Variants in CDH26 observed in about 807,000 individuals in gnomAD.
CDH26 encodes cadherin-like protein 26.
In CDH26, 83 loss-of-function variants were observed where a neutral mutation model predicts 90.3. The observed-to-expected ratio is 0.92, with a 90% CI of 0.77 to 1.10. The LOEUF is 1.10. Ranked by LOEUF, CDH26 falls within the 50% of genes least tolerant of loss-of-function variation. The probability of loss-of-function intolerance (pLI) is 0.00; values close to 1 mark genes in which losing one functional copy is unlikely to be tolerated. For missense variants in CDH26, 1,013 were observed against 1,037.6 expected, an observed-to-expected ratio of 0.98 and a Z score of 0.33; for synonymous variants, 397 against 396.3, an observed-to-expected ratio of 1.00 and a Z score of -0.02.
chr20:59,964,450 A>C (rs2061119771), intron 1 of CDH26, among the ~76,000 whole-genome samples: 1 of 140,058 alleles, frequency 7.1e-6, no homozygotes, highest in Non-Finnish European at 1.6e-5. Flanking sequence ...CCCCGACCCC[A>C]GGCCCACACC....
At chr20:60,008,908 G>C (rs1414938651) in intron 17 of CDH26, among the ~76,000 whole-genome samples, 1 of 152,248 alleles carries the variant, frequency 6.6e-6, no homozygotes, top group African/African-American at 2.4e-5. Context: ...AGGCAAGCCA[G>C]GCTCCTGCAG....
At chr20:59,970,962 G>C (rs914204782) in intron 3 of CDH26, among the ~76,000 whole-genome samples, 1 of 152,122 alleles carries the variant, frequency 6.6e-6, no homozygotes, top group Non-Finnish European at 1.5e-5. Flanking sequence ...CGGGGCTTGA[G>C]TTACTCAGAA....
chr20:59,966,253 A>T (rs948849636), intron 1 of CDH26, among the ~76,000 whole-genome samples: 42 of 150,388 alleles, frequency 2.8e-4, no homozygotes, highest in African/African-American at 1.0e-3. Context: ...AAAAAAAAAA[A>T]AAAAGTGGCC....
intron 7 of CDH26, among the ~76,000 whole-genome samples, chr20:59,986,728 G>A (rs1389705141): frequency 1.3e-5 from 2 of 151,742 alleles, no homozygotes; most frequent in Admixed American, 1.3e-4. Flanking sequence ...AATGGAATGT[G>A]GCACATAGAA....
chr20:59,994,152 T>C (rs2061561584), intron 10 of CDH26, 98 bp from the exon 11 acceptor site: 1 of 1,477,084 alleles, frequency 6.8e-7, no homozygotes, highest in Non-Finnish European at 9.2e-7. Flanking sequence ...GTTCCAGTAT[T>C]TCAGGAATAT....
At chr20:59,998,525 C>T (rs1193789176) in intron 13 of CDH26, among the ~76,000 whole-genome samples, 1 of 152,122 alleles carries the variant, frequency 6.6e-6, no homozygotes, top group Non-Finnish European at 1.5e-5. Context: ...ACCAGCTATG[C>T]CAGTGGGACA....
At chr20:59,959,983 T>A (rs1418807791) in intron 1 of CDH26, among the ~76,000 whole-genome samples, 1 of 152,194 alleles carries the variant, frequency 6.6e-6, no homozygotes, top group Non-Finnish European at 1.5e-5. Flanking sequence ...AATCATTTCT[T>A]CCTTTGAATA....
At position 59,989,130 on chromosome 20, in the gene CDH26, C is replaced by G; in HGVS notation, c.1250C>G (p.Thr417Ser). ...EGARPGTLLG[T>S]FNAMDPDSQI... ...GCCAGGCCTGGGACCCTGTTGGGAACTTTTAATGCCATGGATCCAGACAGC... is the reference window on the plus strand; with the variant it reads ...GCCAGGCCTGGGACCCTGTTGGGAAGTTTTAATGCCATGGATCCAGACAGC... The change falls in exon 9 of 18, where the codon ACT (threonine) becomes AGT (serine). Residue 417 changes from threonine (T) to serine (S), a missense_variant. Physicochemically the swap from Thr to Ser is moderately conservative, Grantham distance 58 (BLOSUM62 1). Transcript: ENST00000348616. 4 of 1,614,176 alleles carry G rather than the reference C, an allele frequency of 2.5e-6. No homozygotes were observed. The highest frequency in any genetic ancestry group is 3.4e-6 in the Non-Finnish European group (4 of 1,180,046).
intron 1 of CDH26, among the ~76,000 whole-genome samples, chr20:59,967,371 G>A (rs1175607240): frequency 6.6e-6 from 1 of 152,070 alleles, no homozygotes; most frequent in Non-Finnish European, 1.5e-5. Flanking sequence ...CTTTTAAATA[G>A]GAAGACTGTA....
At chr20:59,990,601 T>C (rs1885391330) in intron 9 of CDH26, among the ~76,000 whole-genome samples, 1 of 152,182 alleles carries the variant, frequency 6.6e-6, no homozygotes, top group Non-Finnish European at 1.5e-5. Flanking sequence ...TATAATGAAA[T>C]GGAATTACTA....
intron 10 of CDH26, 123 bp from the exon 11 acceptor site, chr20:59,994,127 G>C (rs947624709): frequency 1.6e-6 from 2 of 1,287,370 alleles, no homozygotes; most frequent in African/African-American, 1.5e-5. Flanking sequence ...AGCTTATGAC[G>C]TTGAAAGGGA....
rs2061475505 is a variant in CDH26, at chr20:59,987,612, A to G, written c.997A>G (p.Asn333Asp). 3 of 1,612,972 alleles carry G rather than the reference A, an allele frequency of 1.9e-6. No homozygotes were observed. Among genetic ancestry groups the G allele is most frequent in the Non-Finnish European group, 2.5e-6 (3 of 1,179,572 alleles). The part of the protein sequence containing the change: ...HFDISTDPET[N>D]EGILNVIKPL... ...TGACATTTCGACTGACCCTGAGACC[A>G]ACGAAGGGATATTAAATGTTATCAA... Residue 333 changes from asparagine (N) to aspartate (D), a missense_variant, in exon 8 of 18, where the codon AAC becomes GAC. Physicochemically the swap from Asn to Asp is conservative, Grantham distance 23 (BLOSUM62 1). Coordinates refer to ENST00000348616, the MANE Select transcript of CDH26 (RefSeq NM_177980.4).
At chr20:59,966,249 A>T (rs1299215331) in intron 1 of CDH26, among the ~76,000 whole-genome samples, 2 of 149,848 alleles carry the variant, frequency 1.3e-5, no homozygotes, top group African/African-American at 4.9e-5. Flanking sequence ...AAAAAAAAAA[A>T]AAAAAAAAGT....
At chr20:59,960,403 A>G (rs956643747) in intron 1 of CDH26, among the ~76,000 whole-genome samples, 4 of 151,890 alleles carry the variant, frequency 2.6e-5, no homozygotes, top group Non-Finnish European at 5.9e-5. Flanking sequence ...AAACACACAC[A>G]CACACACACA....
chr20:60,006,808 G>T, intron 17 of CDH26, 21 bp downstream of exon 17: 1 of 1,591,146 alleles, frequency 6.3e-7, no homozygotes, highest in Non-Finnish European at 8.6e-7. Flanking sequence ...CTCCCCTTGT[G>T]CTGTGCACTA....
chr20:60,021,094 T>G (rs766277581), intron 7 of CDH26, among the ~76,000 whole-genome samples: 2 of 152,202 alleles, frequency 1.3e-5, no homozygotes, highest in Non-Finnish European at 2.9e-5. Flanking sequence ...AGTTAAAGCT[T>G]AGTTATTTAT....
At chr20:59,975,757 G>C (rs1476907576) in intron 4 of CDH26, among the ~76,000 whole-genome samples, 1 of 152,164 alleles carries the variant, frequency 6.6e-6, no homozygotes, top group Non-Finnish European at 1.5e-5. Context: ...TAAAAATCAA[G>C]TAAGCCTAAT....
At chr20:59,981,539 T>C (rs868665252) in intron 4 of CDH26, among the ~76,000 whole-genome samples, 15 of 152,310 alleles carry the variant, frequency 9.8e-5, no homozygotes, top group African/African-American at 3.6e-4. Context: ...TTTTATAGAT[T>C]AACTTTATAT....
Position 60,012,733 on chromosome 20 carries a change from A to G in CDH26, c.*3A>G. 5.6e-6 allele frequency: 9 copies of G among 1,612,438 alleles called. 1 individual carries two copies. The highest frequency in any genetic ancestry group is 7.6e-6 in the Non-Finnish European group (9 of 1,179,326). On this transcript the variant is annotated 3_prime_UTR_variant, in exon 18 of 18. Transcript: ENST00000348616. ...CAGAGTCAGGTGTTCCTTCCTAAAAAAAAAAGTCTATTTTGGAGAATTGAA... is the reference window on the plus strand; with the variant it reads ...CAGAGTCAGGTGTTCCTTCCTAAAAGAAAAAGTCTATTTTGGAGAATTGAA...
Sources: gnomAD v4.1 joint callset for allele counts (sites outside exome capture counted in the v4.1 genomes callset) on GRCh38, gnomAD v4.1.1 for gene constraint, MANE v1.5 for transcripts, NCBI Gene and HGNC (gene_info 2026-07-23, HGNC 2026-07-21) for gene names.